The following GGH variants were observed in gnomAD, a reference collection of about 807,000 sequenced individuals.
GGH encodes gamma-glutamyl hydrolase, also known as gamma-Glu-X carboxypeptidase.
GGH carries 18 observed loss-of-function variants against 39.2 expected under a neutral mutation model. The observed-to-expected ratio is 0.46, with a 90% CI of 0.32 to 0.68. The LOEUF is 0.68. Among genes scored for constraint, GGH ranks in the 30% least tolerant of loss-of-function variants. The probability of loss-of-function intolerance (pLI) is 0.04; values close to 1 mark genes in which losing one functional copy is unlikely to be tolerated. For missense variants in GGH, 367 were observed against 384.1 expected (o/e 0.96, Z 0.37); for synonymous variants, 147 against 138.8 (o/e 1.06, Z -0.42).
intron 2 of GGH, 137 bp from the exon 3 acceptor site, chr8:63,030,354 T>C (rs1289603931): frequency 1.8e-6 from 1 of 553,864 alleles, no homozygotes; most frequent in Non-Finnish European, 3.3e-6. Context: ...TCTACTTTTC[T>C]AGAGGCATTT....
chr8:63,035,847 A>T, intron 1 of GGH, 77 bp from the exon 2 acceptor site: 1 of 1,231,108 alleles, frequency 8.1e-7, no homozygotes, highest in South Asian at 1.3e-5. Flanking sequence ...TCACAGCAAA[A>T]ATATCATATT....
intron 7 of GGH, among the ~76,000 whole-genome samples, chr8:63,018,293 A>G (rs894172886): frequency 2.6e-5 from 4 of 152,164 alleles, no homozygotes; most frequent in African/African-American, 9.7e-5. Context: ...AAAAAAGTGA[A>G]TATGTGTAAT....
intron 1 of GGH, 110 bp downstream of exon 1, chr8:63,038,550 C>G (rs1804954218): frequency 3.7e-6 from 2 of 539,744 alleles, no homozygotes; most frequent in Non-Finnish European, 6.3e-6. Flanking sequence ...CGAAGCACAT[C>G]TGGGGGTTTT....
intron 7 of GGH, among the ~76,000 whole-genome samples, chr8:63,019,418 T>C (rs1804546314): frequency 6.6e-6 from 1 of 152,126 alleles, no homozygotes; most frequent in African/African-American, 2.4e-5. Flanking sequence ...AGAGAAGAGC[T>C]TTCAATGGAC....
At position 63,024,187 on chromosome 8, in the gene GGH, C is replaced by G. The variant is rs1343272369; in HGVS notation, c.500-1G>C. ...TGGAACATTCTGCTGTGCAATTGAC[C>G]TGAAATAATTTAAGTACAAGAGAAA... On this transcript the variant is annotated splice_acceptor_variant, in intron 5 of 8. Transcript: ENST00000260118. LOFTEE classifies it high-confidence loss of function. The G allele has an allele frequency of 1.3e-6, 2 of 1,554,674 alleles. No individual in the cohort carries two copies. Among genetic ancestry groups the G allele is most frequent in the African/African-American group, 1.4e-5 (1 of 73,610 alleles).
rs752057959 is a variant in GGH, at chr8:63,021,669, C to CTTTTTTT, written c.697+2231_697+2237dup. ...ATGGTATCCATTCAAATCTCATATC[C>CTTTTTTT]TTTTTTTTTTTTTTTTTTTTTTTGA... On this transcript the variant is annotated intron_variant, in intron 7 of 8. Coordinates refer to ENST00000260118, the MANE Select transcript of GGH (RefSeq NM_003878.3). Among the ~76,000 whole-genome samples, 261 of 93,310 alleles carry CTTTTTTT rather than the reference C, an allele frequency of 2.8e-3. 5 individuals carry two copies. Among genetic ancestry groups the CTTTTTTT allele is most frequent in the East Asian group, 0.015 (41 of 2,810 alleles). 61.2% of individuals were successfully genotyped at this position (93,310 alleles called of 152,430 possible).
chr8:63,017,742 GGTAAAATT>G (rs1804513464), intron 7 of GGH, 112 bp from the exon 8 acceptor site: 3 of 617,296 alleles, frequency 4.9e-6, no homozygotes, highest in African/African-American at 1.9e-5. Flanking sequence ...TATCAGACAA[GGTAAAATT>G]GTACATATTC....
intron 3 of GGH, 54 bp from the exon 4 acceptor site, chr8:63,027,319 T>C: frequency 1.2e-6 from 1 of 803,480 alleles, no homozygotes; most frequent in Non-Finnish European, 2.1e-6. Context: ...CCCCGACCCA[T>C]ACACACACAG....
chr8:63,023,848 A>C, intron 7 of GGH, 59 bp downstream of exon 7: 1 of 1,213,766 alleles, frequency 8.2e-7, no homozygotes, highest in Non-Finnish European at 1.1e-6. Flanking sequence ...AGACATATAA[A>C]ATCAAAATTT....
At chr8:63,025,702 G>T (rs145347467) in intron 5 of GGH, among the ~76,000 whole-genome samples, 75 of 151,970 alleles carry the variant, frequency 4.9e-4, no homozygotes, top group African/African-American at 1.7e-3. Flanking sequence ...CTGCGCTCCA[G>T]ACTGAGTGAC....
Position 63,038,705 on chromosome 8 carries a change from C to G in GGH, c.64G>C (p.Glu22Gln). The G allele has an allele frequency of 6.3e-7, 1 of 1,583,404 alleles. No individual in the cohort carries two copies. The highest frequency in any genetic ancestry group is 8.6e-7 in the Non-Finnish European group (1 of 1,165,024). The change falls in exon 1 of 9, where the codon GAG (glutamate) becomes CAG (glutamine). Residue 22 changes from glutamate to glutamine, a missense_variant. Physicochemically the swap from Glu to Gln is conservative, Grantham distance 29. Coordinates refer to ENST00000260118, the MANE Select transcript of GGH (RefSeq NM_003878.3). ...GTGTCGCCGTGGGGTCTAGACAGCT[C>G]GAGGCTCGCCGCCCCGCAGAGTAGC... ...GLLLCGAASL[E>Q]LSRPHGDTAK...
At chr8:63,028,347 G>A (rs2129663463) in intron 3 of GGH, 2 of 151,948 alleles carry the variant, frequency 1.3e-5, no homozygotes, top group Admixed American at 1.3e-4. Flanking sequence ...TTGCATCCCA[G>A]GTCTCCAGCT....
chr8:63,034,375 T>C (rs560445758), intron 2 of GGH, among the ~76,000 whole-genome samples: 3 of 152,314 alleles, frequency 2.0e-5, no homozygotes, highest in Middle Eastern at 6.8e-3. Context: ...ATTCTCTAAA[T>C]TGTAATATTT....
At position 63,035,674 on chromosome 8, in the gene GGH, G is replaced by A. The variant is rs1054821647; in HGVS notation, c.206C>T (p.Ala69Val). Residue 69 changes from alanine (A) to valine (V), a missense_variant, in exon 2 of 9, where the codon GCG (alanine) becomes GTG (valine). Ala to Val is a moderately conservative substitution (Grantham distance 64). Coordinates refer to ENST00000260118, the MANE Select transcript of GGH (RefSeq NM_003878.3). ...ATCATACCTTACTGGTACAACTCTC[G>A]CACCTGCAGACTCCAAGTACTTTAC... Reference protein sequence around the residue: ...SYVKYLESAGARVVPVRLDLT... With the variant: ...SYVKYLESAGVRVVPVRLDLT... 1.7e-5 allele frequency: 27 copies of A among 1,606,514 alleles called. No homozygotes were observed. Among genetic ancestry groups the A allele is most frequent in the African/African-American group, 4.1e-5 (3 of 73,900 alleles).
chr8:63,038,598 A>C, intron 1 of GGH, 62 bp downstream of exon 1: 80 of 444,464 alleles, frequency 1.8e-4, no homozygotes, highest in Middle Eastern at 3.8e-4. Flanking sequence ...CGGCGGCGGG[A>C]GGCGCCCAGC....
At chr8:63,029,226 G>A (rs1414742521) in intron 3 of GGH, among the ~76,000 whole-genome samples, 1 of 152,130 alleles carries the variant, frequency 6.6e-6, no homozygotes, top group African/African-American at 2.4e-5. Context: ...GTAGAAATAT[G>A]CATATCTCTT....
intron 2 of GGH, 27 bp downstream of exon 2, chr8:63,035,629 A>G (rs1308457719): frequency 8.5e-7 from 1 of 1,177,992 alleles, no homozygotes; most frequent in Non-Finnish European, 1.1e-6. Flanking sequence ...TACAGAGTAA[A>G]AAAAAAAAAA....
chr8:63,024,482 G>C, intron 5 of GGH: 1 of 244,964 alleles, frequency 4.1e-6, no homozygotes. Context: ...ATCTTAACTA[G>C]ATTTCCACAG....
intron 1 of GGH, among the ~76,000 whole-genome samples, chr8:63,036,842 G>A (rs531997545): frequency 6.6e-6 from 1 of 152,196 alleles, no homozygotes; most frequent in South Asian, 2.1e-4. Flanking sequence ...ATCAGGTAGC[G>A]ATAGATCAGC....
Sources: allele counts gnomAD v4.1 joint callset (sites outside exome capture counted in the v4.1 genomes callset), GRCh38; gene constraint gnomAD v4.1.1; transcripts MANE v1.5; gene names NCBI Gene and HGNC (gene_info 2026-07-23, HGNC 2026-07-21).